Variants in PNLIPRP1 observed in about 807,000 individuals in gnomAD.
The protein encoded by PNLIPRP1 is pancreatic lipase related protein 1.
Under a neutral mutation model 54.6 loss-of-function variants are expected in PNLIPRP1, and 57 were observed. The observed-to-expected ratio is 1.04, with a 90% CI of 0.84 to 1.30. The LOEUF (loss-of-function observed/expected upper bound fraction) is 1.30, where lower values mean the gene tolerates loss of function less well. Ranked by LOEUF, PNLIPRP1 falls within the 50% of genes most tolerant of loss-of-function variation. The probability of loss-of-function intolerance (pLI) is 0.00; values close to 1 mark genes in which losing one functional copy is unlikely to be tolerated. For missense variants in PNLIPRP1, 567 were observed against 568.5 expected (o/e 1.00, Z 0.03); for synonymous variants, 232 against 208.8 (o/e 1.11, Z -0.96).
chr10:116,601,717 C>G (rs934481273), intron 10 of PNLIPRP1, among the ~76,000 whole-genome samples: 2 of 152,160 alleles, frequency 1.3e-5, no homozygotes, highest in African/African-American at 4.8e-5. Flanking sequence ...TCTCCAAAAC[C>G]TGCTGAATGG....
rs1847678555 is a variant in PNLIPRP1 at position 116,593,482 on chromosome 10, G to C, written c.330+941G>C. ...ACACATACATTAATAACACCAACCA[G>C]TAATGTCAAAAGGAAAAATTACAAA... On this transcript the variant is annotated intron_variant, in intron 4 of 12. Transcript: ENST00000358834. Among the ~76,000 whole-genome samples, 3 of 152,260 alleles carry C rather than the reference G, an allele frequency of 2.0e-5. No individual in the cohort carries two copies. The South Asian group carries it at 6.2e-4, about 32-fold the overall frequency.
chr10:116,607,277 T>C (rs1847951509), intron 12 of PNLIPRP1, among the ~76,000 whole-genome samples: 1 of 151,874 alleles, frequency 6.6e-6, no homozygotes, highest in Non-Finnish European at 1.5e-5. Context: ...ATGACTTTAT[T>C]CAGTACCTAT....
intron 10 of PNLIPRP1, among the ~76,000 whole-genome samples, chr10:116,603,803 G>T (rs1847890233): frequency 6.6e-6 from 1 of 152,166 alleles, no homozygotes; most frequent in South Asian, 2.1e-4. Context: ...TGAGGCAGAA[G>T]AATTACTTGA....
chr10:116,592,615 A>G, intron 4 of PNLIPRP1, 74 bp downstream of exon 4: 2 of 1,557,294 alleles, frequency 1.3e-6, no homozygotes, highest in Non-Finnish European at 1.8e-6. Flanking sequence ...CACTTTATGC[A>G]CTCAAGAAAT....
At chr10:116,599,872 TA>T (rs1405885130) in intron 8 of PNLIPRP1, among the ~76,000 whole-genome samples, 174 bp from the exon 9 acceptor site, 5 of 152,326 alleles carry the variant, frequency 3.3e-5, no homozygotes, top group African/African-American at 1.2e-4. Flanking sequence ...TGTTGCCTTG[TA>T]CACAGAAAGC....
chr10:116,602,677 G>A (rs148686838), intron 10 of PNLIPRP1, among the ~76,000 whole-genome samples: 1 of 152,342 alleles, frequency 6.6e-6, no homozygotes, highest in East Asian at 1.9e-4. Flanking sequence ...AGATGAATAG[G>A]AGTTAGGCAA....
Position 116,593,167 on chromosome 10 carries a change from CAA to C in PNLIPRP1, c.330+641_330+642del, listed in dbSNP as rs57951858. The C allele has an allele frequency of 3.9e-4, 31 of 79,018 alleles. 1 individual carries two copies. Among genetic ancestry groups the C allele is most frequent in the Non-Finnish European group, 3.2e-4 (11 of 34,656 alleles). The allele number at this position is 79,018 out of a possible 1,614,324, so 4.9% of individuals were successfully genotyped here. On this transcript the variant is annotated intron_variant, in intron 4 of 12. Coordinates refer to ENST00000358834, the MANE Select transcript of PNLIPRP1 (RefSeq NM_006229.4). ...TGGGCAACAGAGTGAGACTCCATCT[CAA>C]AAAAAAAAAAAAAAGAAAACTAAGA...
At chr10:116,591,094 C>T in intron 1 of PNLIPRP1, 36 bp from the exon 2 acceptor site, 1 of 1,582,680 alleles carries the variant, frequency 6.3e-7, no homozygotes, top group Non-Finnish European at 8.7e-7. Context: ...TCTGGCAATG[C>T]CCGGTGAGAC....
At position 116,597,916 on chromosome 10, in the gene PNLIPRP1, C is replaced by T; in HGVS notation, c.663C>T (p.His221=). ...PSDADFVDVI[H]TDAAPLIPFL... is the part of the protein sequence containing the mutation. ...ATGCTGACTTTGTTGATGTGATTCA[C>T]ACGGATGCAGCTCCCCTGATCCCAT... The change falls in exon 7 of 13, where the codon CAC becomes CAT. Residue 221 remains histidine (H), a synonymous_variant. Coordinates refer to ENST00000358834, the MANE Select transcript of PNLIPRP1 (RefSeq NM_006229.4). 1 of 1,614,236 alleles carries T rather than the reference C, an allele frequency of 6.2e-7. No individual in the cohort carries two copies. The highest frequency in any genetic ancestry group is 1.7e-5 in the Admixed American group (1 of 60,038).
intron 10 of PNLIPRP1, among the ~76,000 whole-genome samples, chr10:116,602,021 T>TC (rs1331831800): frequency 2.6e-5 from 4 of 151,520 alleles, no homozygotes; most frequent in Admixed American, 6.6e-5. Flanking sequence ...CTGTAATTTT[T>TC]TTTTTTTTTT....
At chr10:116,600,199 CA>C (rs1554864593) in intron 9 of PNLIPRP1, 34 bp downstream of exon 9, 1 of 1,377,130 alleles carries the variant, frequency 7.3e-7, no homozygotes, top group Admixed American at 1.7e-5. Flanking sequence ...CAACAAGCAT[CA>C]CCCCTCTGAG....
intron 12 of PNLIPRP1, 39 bp from the exon 13 acceptor site, chr10:116,609,014 G>A: frequency 6.7e-7 from 1 of 1,503,096 alleles, no homozygotes. Flanking sequence ...CTTTTGCTAA[G>A]GTGACCCAAA....
Position 116,609,171 on chromosome 10 carries a change from C to G in PNLIPRP1, c.*55C>G. On this transcript the variant is annotated 3_prime_UTR_variant, in exon 13 of 13. Transcript: ENST00000358834. ...ACACTAATAAAATCCACTGGTGCAT[C>G]TGTATGCTCTGGGTCTATCTCCTGC... The G allele has an allele frequency of 3.1e-6, 4 of 1,284,420 alleles. No homozygotes were observed. Among genetic ancestry groups the G allele is most frequent in the Non-Finnish European group, 3.3e-6 (3 of 910,546 alleles). The allele number at this position is 1,284,420 out of a possible 1,614,324, so 79.6% of individuals were successfully genotyped here.
At chr10:116,595,947 A>T in intron 5 of PNLIPRP1, 1 of 334,974 alleles carries the variant, frequency 3.0e-6, no homozygotes, top group Non-Finnish European at 5.5e-6. Context: ...AGACAACAAC[A>T]AGAAGAGAAG....
intron 8 of PNLIPRP1, 96 bp from the exon 9 acceptor site, chr10:116,599,951 G>C (rs1049778596): frequency 1.3e-6 from 1 of 747,652 alleles, no homozygotes; most frequent in East Asian, 2.5e-5. Context: ...CTGAAAATAC[G>C]GTCCTACTTT....
At position 116,605,415 on chromosome 10, in the gene PNLIPRP1, C is replaced by T; in HGVS notation, c.1202C>T (p.Ser401Phe). The change falls in exon 12 of 13, where the codon TCC becomes TTC. Residue 401 changes from serine to phenylalanine, a missense_variant. By Grantham distance (155) the Ser-to-Phe change is radical. Transcript: ENST00000358834. ...RGILKPGSTH[S>F]YEFDAKLDVG... is the part of the protein sequence containing the mutation. ...ATTCTCAAACCAGGCTCAACCCATT[C>T]CTATGAGTTTGATGCAAAGCTGGAT... 1 of 1,608,114 alleles carries T rather than the reference C, an allele frequency of 6.2e-7. No homozygotes were observed. The highest frequency in any genetic ancestry group is 8.5e-7 in the Non-Finnish European group (1 of 1,175,676).
intron 6 of PNLIPRP1, 80 bp from the exon 7 acceptor site, chr10:116,597,748 G>A (rs1847760408): frequency 6.4e-7 from 1 of 1,557,644 alleles, no homozygotes; most frequent in Non-Finnish European, 8.8e-7. Flanking sequence ...GCAGTGCATA[G>A]CCCGGGCAGC....
intron 8 of PNLIPRP1, 65 bp downstream of exon 8, chr10:116,598,231 G>C: frequency 7.1e-7 from 1 of 1,412,262 alleles, no homozygotes; most frequent in Non-Finnish European, 9.5e-7. Flanking sequence ...ATACCTTTCT[G>C]CAGCAAATCT....
At chr10:116,592,348 G>A (rs1423498600) in intron 3 of PNLIPRP1, 68 bp from the exon 4 acceptor site, 2 of 1,514,790 alleles carry the variant, frequency 1.3e-6, no homozygotes, top group African/African-American at 2.8e-5. Context: ...CGCAGGCGGA[G>A]ATGAGGAAGG....
Sources: allele counts gnomAD v4.1 joint callset (sites outside exome capture counted in the v4.1 genomes callset), GRCh38; gene constraint gnomAD v4.1.1; transcripts MANE v1.5; gene names NCBI Gene and HGNC (gene_info 2026-07-23, HGNC 2026-07-21).